The following SCHIP1 variants were observed in gnomAD, a reference collection of about 807,000 sequenced individuals.
The protein encoded by SCHIP1 is schwannomin interacting protein 1, also known as schwannomin-interacting protein 1.
SCHIP1 carries 8 observed loss-of-function variants against 29.7 expected under a neutral mutation model. That is an observed-to-expected ratio of 0.27 (90% confidence interval 0.16 to 0.49). The LOEUF (loss-of-function observed/expected upper bound fraction) is 0.49. Ranked by LOEUF, SCHIP1 falls within the 20% of genes least tolerant of loss-of-function variation. The probability of loss-of-function intolerance (pLI) is 0.99; values close to 1 mark genes in which losing one functional copy is unlikely to be tolerated. For missense variants in SCHIP1, 193 were observed against 294.6 expected (o/e 0.66, Z 2.52); for synonymous variants, 76 against 94.9 (o/e 0.80, Z 1.16).
rs776299005 is a variant in SCHIP1 at position 159,887,889 on chromosome 3, C to G, written c.449C>G (p.Ser150Cys). 6 of 1,613,882 alleles carry G rather than the reference C, an allele frequency of 3.7e-6. No homozygotes were observed. The Admixed American group carries it at 6.7e-5, about 18-fold the overall frequency. The change falls in exon 4 of 7, where the codon TCT becomes TGT. Residue 150 changes from serine to cysteine, a missense_variant. Physicochemically the swap from Ser to Cys is moderately radical, Grantham distance 112. Transcript: ENST00000445224. ...GTGGAGAAACAGAACAGGAAAAAGT[C>G]TCCCGTCGCTGATCTTGTAAGCAGC...
chr3:159,864,597 AGT>A (rs1412777646), intron 1 of SCHIP1, among the ~76,000 whole-genome samples: 2 of 151,936 alleles, frequency 1.3e-5, no homozygotes, highest in African/African-American at 2.4e-5. Context: ...ATAATCACTA[AGT>A]GTGTACAGTA....
At chr3:159,729,953 G>T in the SCHIP1 span, among the ~76,000 whole-genome samples, 1 of 152,118 alleles carries the variant, frequency 6.6e-6, no homozygotes, top group Non-Finnish European at 1.5e-5. Context: ...AGATCTGCAG[G>T]CCTGGATATG....
chr3:159,637,504 A>C, the SCHIP1 span, among the ~76,000 whole-genome samples: 609 of 152,222 alleles, frequency 4.0e-3, 1 homozygote, highest in Non-Finnish European at 6.0e-3. Context: ...TTGCTAAGAA[A>C]GTTTGTAAGG....
the SCHIP1 span, among the ~76,000 whole-genome samples, chr3:159,390,280 A>G: frequency 6.6e-6 from 1 of 152,230 alleles, no homozygotes; most frequent in Non-Finnish European, 1.5e-5. Context: ...TCTTTATTGC[A>G]TGGTCTTGGC....
At chr3:159,527,567 G>A in the SCHIP1 span, among the ~76,000 whole-genome samples, 5 of 152,118 alleles carry the variant, frequency 3.3e-5, no homozygotes, top group Admixed American at 6.5e-5. Context: ...CATGCTCTTT[G>A]GTGTACCTAT....
At chr3:159,884,136 G>C (rs995855911) in intron 2 of SCHIP1, among the ~76,000 whole-genome samples, 5 of 151,892 alleles carry the variant, frequency 3.3e-5, no homozygotes, top group African/African-American at 9.7e-5. Context: ...TTCAAATTAG[G>C]GTTTGTCTTT....
the SCHIP1 span, among the ~76,000 whole-genome samples, chr3:159,535,602 C>T: frequency 6.6e-6 from 1 of 152,180 alleles, no homozygotes; most frequent in African/African-American, 2.4e-5. Flanking sequence ...TAGCTTTGGC[C>T]TTCTCAGGGA....
the SCHIP1 span, among the ~76,000 whole-genome samples, chr3:159,532,398 C>A: frequency 6.6e-6 from 1 of 151,910 alleles, no homozygotes; most frequent in Non-Finnish European, 1.5e-5. Context: ...GAGAAAGAAC[C>A]AAGAAAAATC....
At chr3:159,411,148 A>T in the SCHIP1 span, among the ~76,000 whole-genome samples, 1 of 151,868 alleles carries the variant, frequency 6.6e-6, no homozygotes, top group African/African-American at 2.4e-5. Flanking sequence ...GTGGTGGGGG[A>T]GGGGGCACGA....
chr3:159,508,493 T>G, the SCHIP1 span, among the ~76,000 whole-genome samples: 1 of 152,318 alleles, frequency 6.6e-6, no homozygotes, highest in Admixed American at 6.5e-5. Context: ...TCTTAGTTAT[T>G]TCTTGCCTTC....
intron 2 of SCHIP1, among the ~76,000 whole-genome samples, chr3:159,866,830 A>G (rs925284898): frequency 6.6e-6 from 1 of 152,204 alleles, no homozygotes; most frequent in Admixed American, 6.5e-5. Context: ...TCAGAATATT[A>G]TTGGTCATTT....
At chr3:159,778,279 C>T in the SCHIP1 span, among the ~76,000 whole-genome samples, 1 of 152,178 alleles carries the variant, frequency 6.6e-6, no homozygotes, top group Non-Finnish European at 1.5e-5. Flanking sequence ...AGGCGTGAGC[C>T]ACCGCGCCCG....
the SCHIP1 span, among the ~76,000 whole-genome samples, chr3:159,504,309 C>A: frequency 6.6e-6 from 1 of 152,134 alleles, no homozygotes; most frequent in Admixed American, 6.6e-5. Flanking sequence ...TGTCAAAATT[C>A]TTCTCCCAGA....
At chr3:159,678,812 GT>G in the SCHIP1 span, among the ~76,000 whole-genome samples, 1 of 152,240 alleles carries the variant, frequency 6.6e-6, no homozygotes, top group African/African-American at 2.4e-5. Context: ...TCTTCACAGA[GT>G]GGCAGAAGAC....
chr3:159,334,105 C>T, the SCHIP1 span, among the ~76,000 whole-genome samples: 1 of 152,130 alleles, frequency 6.6e-6, no homozygotes, highest in African/African-American at 2.4e-5. Flanking sequence ...TTACATACCC[C>T]TAAACTTGTA....
the SCHIP1 span, among the ~76,000 whole-genome samples, chr3:159,484,701 A>G: frequency 2.0e-5 from 3 of 152,158 alleles, no homozygotes; most frequent in Non-Finnish European, 4.4e-5. Context: ...CTGCATAAAC[A>G]GTTGCCTAGG....
the SCHIP1 span, among the ~76,000 whole-genome samples, chr3:159,444,798 G>T: frequency 3.9e-5 from 6 of 152,190 alleles, no homozygotes; most frequent in African/African-American, 1.4e-4. Flanking sequence ...GAAATGAAGA[G>T]GGTGGACCTT....
the SCHIP1 span, among the ~76,000 whole-genome samples, chr3:159,351,412 C>G: frequency 6.6e-6 from 1 of 152,114 alleles, no homozygotes; most frequent in Non-Finnish European, 1.5e-5. Context: ...CTTATTCTTG[C>G]AATAATCCAA....
chr3:159,593,318 C>T, the SCHIP1 span, among the ~76,000 whole-genome samples: 1 of 152,116 alleles, frequency 6.6e-6, no homozygotes, highest in Non-Finnish European at 1.5e-5. Flanking sequence ...AGAAGCACCC[C>T]TCCTGAACAG....
Sources: allele counts gnomAD v4.1 joint callset (sites outside exome capture counted in the v4.1 genomes callset), GRCh38; gene constraint gnomAD v4.1.1; transcripts MANE v1.5; gene names NCBI Gene and HGNC (gene_info 2026-07-23, HGNC 2026-07-21).